Variants in VWF observed in about 807,000 individuals in gnomAD.
VWF encodes Factor VIII related antigen.
VWF carries 176 observed loss-of-function variants against 308.6 expected under a neutral mutation model. The observed-to-expected ratio is 0.57, with a 90% confidence interval of 0.50 to 0.65. The LOEUF is 0.65. Ranked by LOEUF, VWF falls within the 30% of genes least tolerant of loss-of-function variation. The pLI is 0.00. For synonymous variants in VWF, 1,385 were observed against 1,443.4 expected (o/e 0.96, Z 0.92); for missense variants, 3,146 against 3,648.2 (o/e 0.86, Z 3.55).
rs1256934115 is a variant in VWF, at chr12:6,034,683, C to T, written c.2685+5G>A. ...GCACCCTCTCCCCATCTCCCCACCT[C>T]TCACCTGCACCAGAACGTACTGGCA... On this transcript the variant is annotated splice_donor_5th_base_variant and intron_variant, in intron 20 of 51. Transcript: ENST00000261405. 3 of 1,613,902 alleles carry T rather than the reference C, an allele frequency of 1.9e-6. No homozygotes were observed. In the African/African-American group the frequency reaches 4.0e-5, roughly 22 times the overall value.
intron 22 of VWF, among the ~76,000 whole-genome samples, chr12:6,029,141 A>T (rs1944228388): frequency 6.6e-6 from 1 of 152,170 alleles, no homozygotes; most frequent in African/African-American, 2.4e-5. Flanking sequence ...CAGTCTTTGA[A>T]CCAACAAAGA....
At chr12:6,000,431 C>T (rs1217647161) in intron 34 of VWF, among the ~76,000 whole-genome samples, 1 of 152,096 alleles carries the variant, frequency 6.6e-6, no homozygotes, top group African/African-American at 2.4e-5. Flanking sequence ...GCCAAGGTGC[C>T]CTTCTAGCAT....
At position 5,969,361 on chromosome 12, in the gene VWF, G is replaced by A. The variant is rs758376829; in HGVS notation, c.7579C>T (p.Pro2527Ser). Residue 2527 changes from proline (P) to serine (S), a missense_variant, in exon 45 of 52, where the codon CCC becomes TCC. Around this residue, in one of 3 missense-constraint regions of VWF, gnomAD observed 989 missense variants for 1,117.4 expected, o/e 0.89. Coordinates refer to ENST00000261405, the MANE Select transcript of VWF (RefSeq NM_000552.5). ...CGGACACACTCATTGATGAGGCAGG[G>A]GTTCTCCGGGGAGGCCCACTGGGAG... ...VGSQWASPEN[P>S]CLINECVRVK... 4.4e-5 allele frequency: 71 copies of A among 1,614,120 alleles called. No individual in the cohort carries two copies. Among genetic ancestry groups the A allele is most frequent in the Non-Finnish European group, 5.7e-5 (67 of 1,180,054 alleles).
chr12:6,004,656 T>C (rs1177732255), intron 34 of VWF, among the ~76,000 whole-genome samples: 2 of 151,658 alleles, frequency 1.3e-5, no homozygotes, highest in African/African-American at 4.8e-5. Flanking sequence ...ACTAACTCAA[T>C]AATAAAAGAA....
At chr12:5,981,688 TG>T (rs2136371018) in intron 42 of VWF, 97 bp downstream of exon 42, 1 of 1,325,952 alleles carries the variant, frequency 7.5e-7, no homozygotes, top group African/African-American at 1.4e-5. Context: ...GATGGGTAGG[TG>T]GATGGATGAA....
At chr12:6,056,132 T>G (rs1275427842) in intron 15 of VWF, among the ~76,000 whole-genome samples, 1 of 148,508 alleles carries the variant, frequency 6.7e-6, no homozygotes, top group Non-Finnish European at 1.5e-5. Context: ...CTGAATCTAC[T>G]CATCCTTTCA....
intron 5 of VWF, chr12:6,095,894 A>C: frequency 2.6e-6 from 1 of 381,442 alleles, no homozygotes; most frequent in Non-Finnish European, 5.0e-6. Flanking sequence ...GCAGCCCAGA[A>C]CACCTGGGCT....
At chr12:6,034,956 G>T in intron 19 of VWF, 130 bp from the exon 20 acceptor site, 1 of 1,185,332 alleles carries the variant, frequency 8.4e-7, no homozygotes, top group Non-Finnish European at 1.2e-6. Context: ...GCCCAAGGAA[G>T]TTGAGGACCT....
At chr12:5,960,943 T>C (rs1041608269) in intron 47 of VWF, among the ~76,000 whole-genome samples, 1 of 152,210 alleles carries the variant, frequency 6.6e-6, no homozygotes. Flanking sequence ...GCTTCATCTG[T>C]ATCTACAGCC....
intron 15 of VWF, among the ~76,000 whole-genome samples, chr12:6,053,570 G>A (rs1944543296): frequency 6.6e-6 from 1 of 152,142 alleles, no homozygotes; most frequent in Non-Finnish European, 1.5e-5. Context: ...GAAAAATACT[G>A]CAAGAGACAC....
intron 7 of VWF, among the ~76,000 whole-genome samples, chr12:6,074,982 G>C (rs1944824998): frequency 6.6e-6 from 1 of 152,110 alleles, no homozygotes; most frequent in Non-Finnish European, 1.5e-5. Flanking sequence ...AATTCGGGCG[G>C]GCAGGCGGTG....
intron 5 of VWF, among the ~76,000 whole-genome samples, chr12:6,099,196 T>G (rs1255404992): frequency 6.6e-6 from 1 of 151,708 alleles, no homozygotes. Flanking sequence ...GGTGGATGCC[T>G]GTAATCCCAG....
chr12:6,041,636 G>C (rs1266313475), intron 18 of VWF, among the ~76,000 whole-genome samples: 1 of 151,688 alleles, frequency 6.6e-6, no homozygotes, highest in Non-Finnish European at 1.5e-5. Flanking sequence ...TTTTAGTAGA[G>C]ACAGCGTTTC....
chr12:5,967,329 TG>T (rs769041752), intron 47 of VWF, among the ~76,000 whole-genome samples, 156 bp downstream of exon 47: 17 of 152,096 alleles, frequency 1.1e-4, no homozygotes, highest in Non-Finnish European at 7.4e-5. Context: ...GCAGTTTGGG[TG>T]GGTGATTTTT....
At chr12:5,971,975 G>C (rs779613292) in intron 43 of VWF, among the ~76,000 whole-genome samples, 16 of 152,206 alleles carry the variant, frequency 1.1e-4, no homozygotes, top group African/African-American at 1.9e-4. Context: ...CCAGTCCATA[G>C]GAGCATTAAA....
intron 18 of VWF, among the ~76,000 whole-genome samples, chr12:6,042,159 G>A (rs1268063412): frequency 4.2e-4 from 64 of 152,298 alleles, no homozygotes; most frequent in Admixed American, 4.0e-3. Flanking sequence ...GGGAAGCCTG[G>A]CCTGACGGGT....
intron 47 of VWF, among the ~76,000 whole-genome samples, chr12:5,960,025 C>G (rs1177958650): frequency 6.8e-6 from 1 of 147,454 alleles, no homozygotes; most frequent in Non-Finnish European, 1.5e-5. Context: ...ACAACAAAGG[C>G]AAAAGTTGGA....
intron 6 of VWF, among the ~76,000 whole-genome samples, chr12:6,078,912 G>A (rs1440206505): frequency 6.6e-6 from 1 of 152,210 alleles, no homozygotes; most frequent in Non-Finnish European, 1.5e-5. Flanking sequence ...GCATTAAATG[G>A]CTTATAGAAA....
At chr12:6,103,269 A>T (rs555743365) in intron 5 of VWF, among the ~76,000 whole-genome samples, 24 of 151,980 alleles carry the variant, frequency 1.6e-4, no homozygotes, top group Non-Finnish European at 2.6e-4. Context: ...CGGAGCTTGC[A>T]GTGAGCCAAT....
Sources: gnomAD v4.1 joint callset for allele counts (sites outside exome capture counted in the v4.1 genomes callset) on GRCh38, gnomAD v4.1.1 for gene constraint, gnomAD v4.1.1 regional missense constraint, MANE v1.5 for transcripts, NCBI Gene and HGNC (gene_info 2026-07-23, HGNC 2026-07-21) for gene names.